Variants in FRMD5 observed in about 807,000 individuals in gnomAD.
The protein encoded by FRMD5 is FERM domain containing 5, also known as FERM domain-containing protein 5.
In FRMD5, 20 loss-of-function variants were observed where a neutral mutation model predicts 69.0. The observed-to-expected ratio is 0.29, with a 90% CI of 0.20 to 0.42. The LOEUF (loss-of-function observed/expected upper bound fraction) is 0.42. Ranked by LOEUF, FRMD5 falls within the 10% of genes least tolerant of loss-of-function variation. The pLI is 1.00. For missense variants in FRMD5, 595 were observed against 708.6 expected (o/e 0.84, Z 1.82); for synonymous variants, 271 against 260.1 (o/e 1.04, Z -0.40).
chr15:44,149,422 A>T (rs1317463671), intron 1 of FRMD5, among the ~76,000 whole-genome samples: 1 of 152,132 alleles, frequency 6.6e-6, no homozygotes, highest in Non-Finnish European at 1.5e-5. Context: ...CTTCCTCATC[A>T]ATAATTACTT....
At chr15:44,120,331 G>C (rs189221918) in intron 1 of FRMD5, among the ~76,000 whole-genome samples, 1 of 152,030 alleles carries the variant, frequency 6.6e-6, no homozygotes, top group Non-Finnish European at 1.5e-5. Context: ...AATAATGAGG[G>C]CCTGAAATAA....
chr15:43,874,559 C>T, intron 13 of FRMD5, 97 bp from the exon 14 acceptor site: 1 of 827,154 alleles, frequency 1.2e-6, no homozygotes, highest in East Asian at 2.5e-5. Flanking sequence ...ATTCTGCACA[C>T]CCACATGACC....
chr15:44,085,268 C>T (rs1295155442), intron 1 of FRMD5, among the ~76,000 whole-genome samples: 1 of 152,010 alleles, frequency 6.6e-6, no homozygotes, highest in Non-Finnish European at 1.5e-5. Flanking sequence ...GCCCTAACTC[C>T]TATTTGAGAA....
At chr15:43,875,378 A>G (rs2088311750) in intron 13 of FRMD5, among the ~76,000 whole-genome samples, 1 of 142,228 alleles carries the variant, frequency 7.0e-6, no homozygotes, top group East Asian at 2.1e-4. Flanking sequence ...ATATATATAT[A>G]TATATATATA....
At chr15:44,040,517 T>G (rs1444525502) in intron 1 of FRMD5, among the ~76,000 whole-genome samples, 1 of 152,184 alleles carries the variant, frequency 6.6e-6, no homozygotes, top group East Asian at 1.9e-4. Context: ...TATTCAATGT[T>G]CTTAAAGAAA....
At chr15:44,059,890 C>A (rs1270120240) in intron 1 of FRMD5, among the ~76,000 whole-genome samples, 1 of 152,184 alleles carries the variant, frequency 6.6e-6, no homozygotes, top group Non-Finnish European at 1.5e-5. Context: ...TCCCTGGTTT[C>A]AAATTCAGAA....
chr15:44,177,426 T>C (rs2077917583), intron 1 of FRMD5, among the ~76,000 whole-genome samples: 1 of 152,126 alleles, frequency 6.6e-6, no homozygotes, highest in Non-Finnish European at 1.5e-5. Context: ...TGAATGAACC[T>C]GAAAAACATT....
intron 1 of FRMD5, among the ~76,000 whole-genome samples, chr15:43,945,954 G>A (rs894923891): frequency 1.3e-5 from 2 of 152,012 alleles, no homozygotes; most frequent in Non-Finnish European, 2.9e-5. Flanking sequence ...TACTTGGGAG[G>A]CTGAGACACA....
intron 1 of FRMD5, among the ~76,000 whole-genome samples, chr15:44,091,762 T>G (rs760408798): frequency 3.9e-5 from 6 of 152,182 alleles, no homozygotes; most frequent in Non-Finnish European, 8.8e-5. Flanking sequence ...TGCTAACTCT[T>G]ATCTTAATTT....
chr15:44,164,894 G>A (rs1479825105), intron 1 of FRMD5, among the ~76,000 whole-genome samples: 1 of 152,232 alleles, frequency 6.6e-6, no homozygotes, highest in African/African-American at 2.4e-5. Context: ...CCGGTGCCTA[G>A]TGTTCAGTGT....
At chr15:44,070,594 T>C (rs985473451) in intron 1 of FRMD5, among the ~76,000 whole-genome samples, 1 of 152,132 alleles carries the variant, frequency 6.6e-6, no homozygotes, top group African/African-American at 2.4e-5. Context: ...TCAAATATTA[T>C]AAGAATCAAA....
At chr15:44,161,304 T>C (rs1173716622) in intron 1 of FRMD5, among the ~76,000 whole-genome samples, 4 of 152,336 alleles carry the variant, frequency 2.6e-5, no homozygotes, top group Middle Eastern at 3.4e-3. Context: ...TTGAGTCAAG[T>C]GGTCCCAAAG....
intron 2 of FRMD5, among the ~76,000 whole-genome samples, chr15:43,921,243 G>A (rs1450604648): frequency 6.6e-6 from 1 of 152,226 alleles, no homozygotes; most frequent in Non-Finnish European, 1.5e-5. Context: ...ATTGTGGACA[G>A]TGAGGAGAAC....
At chr15:44,084,849 C>A (rs1894131705) in intron 1 of FRMD5, among the ~76,000 whole-genome samples, 1 of 152,116 alleles carries the variant, frequency 6.6e-6, no homozygotes, top group African/African-American at 2.4e-5. Context: ...AACAATACAT[C>A]CCTGAGCTAT....
intron 1 of FRMD5, among the ~76,000 whole-genome samples, chr15:44,079,744 G>T (rs1893920483): frequency 6.6e-6 from 1 of 152,042 alleles, no homozygotes; most frequent in African/African-American, 2.4e-5. Flanking sequence ...ACAAAATGTG[G>T]TATATACACA....
intron 1 of FRMD5, among the ~76,000 whole-genome samples, chr15:44,069,549 G>GA (rs1893446290): frequency 3.3e-5 from 5 of 152,044 alleles, no homozygotes; most frequent in Admixed American, 3.3e-4. Flanking sequence ...TATGTGGAGT[G>GA]AAAAAAATCC....
At chr15:43,921,932 G>C (rs2089500303) in intron 2 of FRMD5, among the ~76,000 whole-genome samples, 1 of 152,172 alleles carries the variant, frequency 6.6e-6, no homozygotes. Flanking sequence ...TGTAAGTGCT[G>C]GGTTCAGACT....
chr15:43,901,217 C>T (rs2089038261), intron 7 of FRMD5, among the ~76,000 whole-genome samples: 1 of 152,098 alleles, frequency 6.6e-6, no homozygotes, highest in African/African-American at 2.4e-5. Flanking sequence ...AAGAACCAAC[C>T]CTGCTGACAC....
chr15:43,879,532 G>T, intron 13 of FRMD5: 1 of 399,040 alleles, frequency 2.5e-6, no homozygotes, highest in East Asian at 3.6e-5. Context: ...CCTTGCCCGG[G>T]GGTCACAGCA....
Sources: allele counts gnomAD v4.1 joint callset (sites outside exome capture counted in the v4.1 genomes callset), GRCh38; gene constraint gnomAD v4.1.1; transcripts MANE v1.5; gene names NCBI Gene and HGNC (gene_info 2026-07-23, HGNC 2026-07-21).